The following POU6F2 variants were observed in gnomAD, a reference collection of about 807,000 sequenced individuals.
POU6F2 encodes POU domain, class 6, transcription factor 2.
A neutral mutation model predicts 71.3 loss-of-function variants in POU6F2; 31 were observed. The observed-to-expected ratio is 0.43, with a 90% CI of 0.33 to 0.59. The LOEUF is 0.59. POU6F2 is among the 20% of genes least tolerant of loss of function. The pLI, the probability that POU6F2 is intolerant of heterozygous loss-of-function variation, is 0.04. For missense variants in POU6F2, 783 were observed against 856.8 expected (o/e 0.91, Z 1.07); for synonymous variants, 347 against 355.7 (o/e 0.98, Z 0.27).
At chr7:39,139,017 G>A (rs949362197) in intron 2 of POU6F2, among the ~76,000 whole-genome samples, 3 of 152,132 alleles carry the variant, frequency 2.0e-5, no homozygotes, top group Admixed American at 2.0e-4. Context: ...CGCTTGGCTT[G>A]TGCACAGAGG....
chr7:39,056,773 G>T (rs1417109140), intron 1 of POU6F2, among the ~76,000 whole-genome samples: 1 of 151,410 alleles, frequency 6.6e-6, no homozygotes, highest in Non-Finnish European at 1.5e-5. Context: ...TAATAGAATT[G>T]TGCGTATGTG....
At chr7:38,981,529 C>A (rs1455149779) in intron 1 of POU6F2, among the ~76,000 whole-genome samples, 2 of 152,076 alleles carry the variant, frequency 1.3e-5, no homozygotes, top group African/African-American at 4.8e-5. Flanking sequence ...TTAATAAAAA[C>A]AACAGATGAA....
intron 4 of POU6F2, among the ~76,000 whole-genome samples, chr7:39,308,855 T>C (rs11975038): frequency 0.02 from 2,971 of 152,318 alleles, 108 homozygotes; most frequent in African/African-American, 0.068. Flanking sequence ...TCCTTCCCCC[T>C]GCGGGTGCCA....
At chr7:39,208,010 G>A (rs1185670232) in intron 4 of POU6F2, among the ~76,000 whole-genome samples, 1 of 152,148 alleles carries the variant, frequency 6.6e-6, no homozygotes. Flanking sequence ...GCTTTTTTGT[G>A]TTTGAAGTGA....
At chr7:39,142,696 TAG>T in intron 2 of POU6F2, among the ~76,000 whole-genome samples, 1 of 152,218 alleles carries the variant, frequency 6.6e-6, no homozygotes. Flanking sequence ...TGAAAGAACT[TAG>T]TATTTGTTAA....
At chr7:39,070,026 T>C (rs1488444731) in intron 1 of POU6F2, among the ~76,000 whole-genome samples, 2 of 152,104 alleles carry the variant, frequency 1.3e-5, no homozygotes, top group African/African-American at 4.8e-5. Flanking sequence ...TCAGTGATGT[T>C]AGGGACTCAC....
intron 4 of POU6F2, among the ~76,000 whole-genome samples, chr7:39,296,864 G>A (rs1446651769): frequency 6.6e-6 from 1 of 152,172 alleles, no homozygotes; most frequent in Non-Finnish European, 1.5e-5. Context: ...TTGAATGCAT[G>A]AATGAACGAA....
chr7:39,276,012 A>T (rs922169297), intron 4 of POU6F2, among the ~76,000 whole-genome samples: 2 of 152,204 alleles, frequency 1.3e-5, no homozygotes, highest in African/African-American at 4.8e-5. Context: ...CATGTCTAAA[A>T]CACCAAAAGT....
At chr7:39,438,224 G>C (rs1227762719) in intron 7 of POU6F2, among the ~76,000 whole-genome samples, 1 of 151,962 alleles carries the variant, frequency 6.6e-6, no homozygotes, top group Non-Finnish European at 1.5e-5. Context: ...GTGATAGTTT[G>C]CTGAGAATGA....
intron 8 of POU6F2, among the ~76,000 whole-genome samples, chr7:39,453,970 G>C (rs1213241920): frequency 1.3e-5 from 2 of 152,108 alleles, no homozygotes; most frequent in African/African-American, 2.4e-5. Flanking sequence ...CCCCTTGCTG[G>C]ACTTGAGTTG....
chr7:39,418,799 T>C (rs1288213342), intron 6 of POU6F2, among the ~76,000 whole-genome samples: 1 of 151,160 alleles, frequency 6.6e-6, no homozygotes, highest in African/African-American at 2.4e-5. Context: ...AGCCCAGCTT[T>C]CCTCTGAAGC....
intron 4 of POU6F2, among the ~76,000 whole-genome samples, chr7:39,270,095 CT>C (rs1466855099): frequency 6.6e-6 from 1 of 151,098 alleles, no homozygotes; most frequent in Non-Finnish European, 1.5e-5. Context: ...TTCTCCCTGT[CT>C]TTGAGAGACA....
At chr7:39,229,329 C>T (rs1251513724) in intron 4 of POU6F2, among the ~76,000 whole-genome samples, 1 of 152,172 alleles carries the variant, frequency 6.6e-6, no homozygotes, top group Non-Finnish European at 1.5e-5. Flanking sequence ...GGTTTGTTTC[C>T]CGACCTCGGA....
chr7:39,387,712 T>C (rs1030999647), intron 5 of POU6F2, among the ~76,000 whole-genome samples: 2 of 152,242 alleles, frequency 1.3e-5, no homozygotes, highest in East Asian at 3.8e-4. Context: ...TGTTTTCATT[T>C]GCTACAGATG....
chr7:39,465,659 G>A lies in POU6F2; in HGVS notation c.*973G>A, dbSNP rs1017665642. The A allele has an allele frequency of 6.6e-6, 1 of 152,182 alleles. No homozygotes were observed. The highest frequency in any genetic ancestry group is 2.4e-5 in the African/African-American group (1 of 41,436). The allele number at this position is 152,182 out of a possible 1,614,324, so 9.4% of individuals were successfully genotyped here. ...GTGTCTTTTCCACTCAGATCCTAGT[G>A]AAATGCAGGAGAGACTCCAAAATAA... On this transcript the variant is annotated 3_prime_UTR_variant, in exon 10 of 10. Coordinates refer to ENST00000518318, the MANE Select transcript of POU6F2 (RefSeq NM_001370959.1).
intron 1 of POU6F2, among the ~76,000 whole-genome samples, chr7:38,995,092 C>T (rs1051497730): frequency 7.9e-5 from 12 of 152,200 alleles, no homozygotes; most frequent in African/African-American, 2.9e-4. Context: ...AAACCCAATG[C>T]TTAATTTCAG....
intron 5 of POU6F2, among the ~76,000 whole-genome samples, chr7:39,355,184 C>T (rs1786227357): frequency 6.6e-6 from 1 of 152,154 alleles, no homozygotes; most frequent in Non-Finnish European, 1.5e-5. Flanking sequence ...TTAGGTGGGA[C>T]CATGTGCCCA....
intron 4 of POU6F2, among the ~76,000 whole-genome samples, chr7:39,219,520 A>G (rs1018176947): frequency 1.3e-5 from 2 of 152,110 alleles, no homozygotes; most frequent in Non-Finnish European, 2.9e-5. Flanking sequence ...TGCTATAGGG[A>G]AGGATATTTG....
chr7:39,158,997 C>G (rs1792931342), intron 2 of POU6F2, among the ~76,000 whole-genome samples: 1 of 151,604 alleles, frequency 6.6e-6, no homozygotes. Flanking sequence ...CATGATGAAA[C>G]CCCGTCTATA....
Sources: allele counts gnomAD v4.1 joint callset (sites outside exome capture counted in the v4.1 genomes callset), GRCh38; gene constraint gnomAD v4.1.1; transcripts MANE v1.5; gene names NCBI Gene and HGNC (gene_info 2026-07-23, HGNC 2026-07-21).